The following DOCK9 variants were observed in gnomAD, a reference collection of about 807,000 sequenced individuals.
DOCK9 encodes dedicator of cytokinesis protein 9.
A neutral mutation model predicts 263.3 loss-of-function variants in DOCK9; 89 were observed. The observed-to-expected ratio is 0.34, with a 90% confidence interval of 0.28 to 0.40. The LOEUF (loss-of-function observed/expected upper bound fraction) is 0.40. DOCK9 is among the 10% of genes least tolerant of loss of function. The pLI is 1.00. For missense variants in DOCK9, 2,140 were observed against 2,603.4 expected (o/e 0.82, Z 3.87); for synonymous variants, 976 against 973.1 (o/e 1.00, Z -0.06).
chr13:99,061,948 C>T (rs562729757), intron 1 of DOCK9, among the ~76,000 whole-genome samples: 3 of 152,082 alleles, frequency 2.0e-5, no homozygotes, highest in East Asian at 3.9e-4. Context: ...CACAGCTCAC[C>T]GCAGCCTCTA....
chr13:98,842,329 C>G (rs1441932981), intron 38 of DOCK9, among the ~76,000 whole-genome samples: 5 of 152,188 alleles, frequency 3.3e-5, no homozygotes, highest in Non-Finnish European at 7.3e-5. Flanking sequence ...ACATGCCACT[C>G]AAGGCCAGTT....
chr13:98,794,742 G>T lies in DOCK9; in HGVS notation c.6163C>A (p.Pro2055Thr), dbSNP rs1186256093. The T allele has an allele frequency of 1.2e-6, 2 of 1,613,906 alleles. No individual in the cohort carries two copies. The highest frequency in any genetic ancestry group is 2.2e-5 in the East Asian group (1 of 44,884). Residue 2055 changes from proline to threonine, a missense_variant, in exon 53 of 53, where the codon CCC (proline) becomes ACC (threonine). Around this residue, in one of 2 missense-constraint regions of DOCK9, gnomAD observed 619 missense variants for 861.8 expected, o/e 0.72. Coordinates refer to ENST00000682017, the MANE Select transcript of DOCK9 (RefSeq NM_001366683.2). ...AAGACGCTCGTCTTCTCCTCCAGGG[G>T]GCAGATCTTGAGGACAGAAACACAA... is the stretch of plus-strand genomic sequence containing the variant. The part of the protein sequence containing the change: ...LSEIMHEQIC[P>T]LEEKTSVLPN...
At chr13:99,026,943 C>G (rs996183967) in intron 1 of DOCK9, among the ~76,000 whole-genome samples, 1 of 151,778 alleles carries the variant, frequency 6.6e-6, no homozygotes, top group Non-Finnish European at 1.5e-5. Context: ...CAGTGTGCTA[C>G]ACGGGAATGA....
intron 39 of DOCK9, among the ~76,000 whole-genome samples, chr13:98,835,762 A>C: frequency 8.5e-6 from 1 of 118,066 alleles, no homozygotes; most frequent in East Asian, 2.5e-4. Context: ...TTTTTTTTAG[A>C]CGAAGTCTTG....
exon 1 of DOCK9, chr13:99,086,231 C>T (rs1010706221): frequency 3.3e-6 from 5 of 1,503,764 alleles, no homozygotes; most frequent in Non-Finnish European, 2.6e-6. Flanking sequence ...ACCAGGAGCA[C>T]GGAGCCGCGC....
chr13:98,940,939 T>C (rs890057957), intron 2 of DOCK9, among the ~76,000 whole-genome samples: 2 of 150,672 alleles, frequency 1.3e-5, no homozygotes, highest in African/African-American at 4.8e-5. Flanking sequence ...ATTCTTTCAG[T>C]GACGCCTCAT....
chr13:98,876,783 G>T (rs913395803), intron 27 of DOCK9, among the ~76,000 whole-genome samples: 1 of 149,460 alleles, frequency 6.7e-6, no homozygotes, highest in African/African-American at 2.4e-5. Context: ...GCAAAGAACA[G>T]CAGGGTGTCT....
chr13:98,995,174 G>T (rs557134402), intron 1 of DOCK9, among the ~76,000 whole-genome samples: 2 of 152,324 alleles, frequency 1.3e-5, no homozygotes, highest in South Asian at 2.1e-4. Context: ...CGTTCCCGAG[G>T]AAATCTTTGT....
At position 98,922,038 on chromosome 13, in the gene DOCK9, T is replaced by C. The variant is rs768306868; in HGVS notation, c.582+13A>G. 3.8e-6 allele frequency: 6 copies of C among 1,574,610 alleles called. No individual in the cohort carries two copies. In the South Asian group the frequency reaches 7.0e-5, roughly 18 times the overall value. On this transcript the variant is annotated intron_variant, in intron 6 of 52. Coordinates refer to ENST00000682017, the MANE Select transcript of DOCK9 (RefSeq NM_001366683.2). Reference sequence around the variant, plus strand: ...CTTGTGAGAGGGGAGGGCAAAGTGATGTGCGTCCTCACCCTCATGGTCACG... The same window carrying C: ...CTTGTGAGAGGGGAGGGCAAAGTGACGTGCGTCCTCACCCTCATGGTCACG...
In DOCK9 at chr13:98,794,689, G is replaced by T. The variant is rs772759239; in HGVS notation, c.6216C>A (p.Ala2072=). The T allele has an allele frequency of 6.2e-7, 1 of 1,613,750 alleles. No individual in the cohort carries two copies. The highest frequency in any genetic ancestry group is 8.5e-7 in the Non-Finnish European group (1 of 1,179,858). ...TTGTGCTTGTTGGAGTCCCACTGAT[G>T]GCGTTGAAGATGTGAAGGGAATTCG... is the stretch of plus-strand genomic sequence containing the variant. ...VLPNSLHIFN[A]ISGTPTSTMV... Residue 2072 remains alanine, a synonymous_variant, in exon 53 of 53, where the codon GCC becomes GCA. Coordinates refer to ENST00000682017, the MANE Select transcript of DOCK9 (RefSeq NM_001366683.2).
chr13:98,954,818 G>A lies in DOCK9; in HGVS notation c.243+617C>T, dbSNP rs1595614051. ...TCTCAAAAGACAGAAAGGCACTTGTGCCCACTAAATCAGCCCAGACAGAGT... is the reference window on the plus strand; with the variant it reads ...TCTCAAAAGACAGAAAGGCACTTGTACCCACTAAATCAGCCCAGACAGAGT... On this transcript the variant is annotated intron_variant, in intron 2 of 52. Transcript: ENST00000682017. 2.0e-5 allele frequency among the ~76,000 whole-genome samples: 3 copies of A among 151,420 alleles called. No homozygotes were observed. In the South Asian group the frequency reaches 6.3e-4, roughly 32 times the overall value.
intron 1 of DOCK9, among the ~76,000 whole-genome samples, chr13:99,041,591 T>C (rs377609426): frequency 2.6e-5 from 4 of 152,272 alleles, no homozygotes; most frequent in African/African-American, 9.6e-5. Context: ...TGAAGTACAC[T>C]TCCTACTCAT....
chr13:98,992,806 C>T (rs1880123073), intron 1 of DOCK9, among the ~76,000 whole-genome samples: 1 of 152,204 alleles, frequency 6.6e-6, no homozygotes, highest in South Asian at 2.1e-4. Flanking sequence ...TGGACTAATA[C>T]AGCAGCTGAG....
At chr13:98,809,267 A>G (rs1323375578) in intron 47 of DOCK9, 85 bp downstream of exon 47, 1 of 1,305,796 alleles carries the variant, frequency 7.7e-7, no homozygotes, top group Admixed American at 2.2e-5. Context: ...ATAAGATATA[A>G]CTTTATTATA....
Position 98,800,394 on chromosome 13 carries a change from A to G in DOCK9, c.5810T>C (p.Ile1937Thr). The G allele has an allele frequency of 6.2e-7, 1 of 1,613,966 alleles. No homozygotes were observed. Among genetic ancestry groups the G allele is most frequent in the Non-Finnish European group, 8.5e-7 (1 of 1,179,888 alleles). The change falls in exon 50 of 53, where the codon ATT becomes ACT. Residue 1937 changes from isoleucine (I) to threonine (T), a missense_variant. This residue lies in a region of DOCK9 where 619 missense variants were observed against 861.8 expected (regional missense o/e 0.72). Coordinates refer to ENST00000682017, the MANE Select transcript of DOCK9 (RefSeq NM_001366683.2). ...HTDLNPIEVA[I>T]DEMSKKVAEL... ...CGCCACCTTCTTACTCATCTCGTCA[A>G]TGGCCACCTCGATGGGGTTCAGGTC...
In DOCK9 at chr13:98,915,196, A is replaced by G. The variant is rs561915318; in HGVS notation, c.892+133T>C. 1.9e-4 allele frequency: 145 copies of G among 781,558 alleles called. 1 individual carries two copies. In the African/African-American group the frequency reaches 2.4e-3, roughly 13 times the overall value. The allele number at this position is 781,558 out of a possible 1,614,324, so 48.4% of individuals were successfully genotyped here. On this transcript the variant is annotated intron_variant, in intron 8 of 52. Coordinates refer to ENST00000682017, the MANE Select transcript of DOCK9 (RefSeq NM_001366683.2). ...GTGACAAAACCTTTGCTGACAGGAT[A>G]TTTGTAAAGAGCTCCTATCCGTCCC... is the stretch of plus-strand genomic sequence containing the variant.
intron 1 of DOCK9, among the ~76,000 whole-genome samples, chr13:98,962,043 T>C (rs1437984550): frequency 6.6e-6 from 1 of 152,210 alleles, no homozygotes; most frequent in Non-Finnish European, 1.5e-5. Context: ...CATTCCCAGA[T>C]GTTGTGGAAC....
Position 98,883,793 on chromosome 13 carries a change from T to G in DOCK9, c.2469+20A>C. On this transcript the variant is annotated intron_variant, in intron 22 of 52. Coordinates refer to ENST00000682017, the MANE Select transcript of DOCK9 (RefSeq NM_001366683.2). The stretch of plus-strand genomic sequence containing the variant: ...TTGTCACAGGGCAGCAACTGCTAAT[T>G]TTGTTGAAGGAGCACATACCTGAGT... 1 of 1,557,720 alleles carries G rather than the reference T, an allele frequency of 6.4e-7. No individual in the cohort carries two copies. The highest frequency in any genetic ancestry group is 1.2e-5 in the South Asian group (1 of 82,326).
In DOCK9 at chr13:98,863,468, T is replaced by C; in HGVS notation, c.3367A>G (p.Thr1123Ala). The stretch of plus-strand genomic sequence containing the variant: ...ACCTCCCGGAACTCCTGGAGGGCTG[T>C]CCCCACCTCCCTCAGTAACAGTCCC... ...LVGLLLREVGTALQEFREVRL... is the reference protein window; with the variant it reads ...LVGLLLREVGAALQEFREVRL... Residue 1123 changes from threonine to alanine, a missense_variant, in exon 31 of 53, where the codon ACA (threonine) becomes GCA (alanine). Transcript: ENST00000682017. The C allele has an allele frequency of 6.2e-7, 1 of 1,613,962 alleles. No homozygotes were observed. Among genetic ancestry groups the C allele is most frequent in the Admixed American group, 1.7e-5 (1 of 60,020 alleles).
Sources: allele counts gnomAD v4.1 joint callset (sites outside exome capture counted in the v4.1 genomes callset), GRCh38; gene constraint gnomAD v4.1.1; regional missense constraint gnomAD v4.1.1; transcripts MANE v1.5; gene names NCBI Gene and HGNC (gene_info 2026-07-23, HGNC 2026-07-21).